DCLK2: variants seen among roughly 807,000 people sequenced by gnomAD.
DCLK2 encodes doublecortin like kinase 2.
A neutral mutation model predicts 78.4 loss-of-function variants in DCLK2; 31 were observed. The ratio of observed to expected loss-of-function variants is 0.40; its 90% CI spans 0.30 to 0.53. The LOEUF (loss-of-function observed/expected upper bound fraction) is 0.53. Among genes scored for constraint, DCLK2 ranks in the 20% least tolerant of loss-of-function variants. The pLI is 0.61. For synonymous variants in DCLK2, 407 were observed against 374.9 expected, an observed-to-expected ratio of 1.09 and a Z score of -0.99; for missense variants, 872 against 973.7, an observed-to-expected ratio of 0.90 and a Z score of 1.39.
intron 1 of DCLK2, among the ~76,000 whole-genome samples, chr4:150,082,079 T>A (rs923617539): frequency 2.0e-5 from 3 of 152,190 alleles, no homozygotes; most frequent in African/African-American, 7.2e-5. Flanking sequence ...GTAAGTAGTT[T>A]CAACTTTTAA....
intron 15 of DCLK2, among the ~76,000 whole-genome samples, chr4:150,252,390 T>C (rs1744239351): frequency 6.6e-6 from 1 of 152,214 alleles, no homozygotes; most frequent in African/African-American, 2.4e-5. Context: ...AGGAAGAACC[T>C]TTAACCGCCC....
chr4:150,175,011 A>AAAAAAAAATATATATATATAT (rs1454035697), intron 2 of DCLK2, among the ~76,000 whole-genome samples: 2 of 9,976 alleles, frequency 2.0e-4, no homozygotes, highest in African/African-American at 2.6e-4. Flanking sequence ...AAAAAAAAAA[A>AAAAAAAAATATATATATATAT]ATATATATAT....
At chr4:150,081,789 C>T (rs914754209) in intron 1 of DCLK2, among the ~76,000 whole-genome samples, 5 of 149,034 alleles carry the variant, frequency 3.4e-5, no homozygotes, top group African/African-American at 5.0e-5. Flanking sequence ...GTCAGGAGTT[C>T]GAGACCAGCC....
Position 150,219,428 on chromosome 4 carries a change from A to G in DCLK2, c.1057-1275A>G, listed in dbSNP as rs186378791. 1.9e-3 allele frequency among the ~76,000 whole-genome samples: 290 copies of G among 151,832 alleles called. 5 individuals are homozygous for G. The highest frequency in any genetic ancestry group is 5.2e-4 in the Non-Finnish European group (35 of 67,928). Reference sequence around the variant, plus strand: ...AGTCATGTGTCACCACGCCTGGGCGATTTTGTATTTTCAGTAGAGACGGGG... The same window carrying G: ...AGTCATGTGTCACCACGCCTGGGCGGTTTTGTATTTTCAGTAGAGACGGGG... On this transcript the variant is annotated intron_variant, in intron 5 of 15. Coordinates refer to ENST00000296550, the MANE Select transcript of DCLK2 (RefSeq NM_001040260.4).
At chr4:150,171,614 G>C (rs746826469) in intron 2 of DCLK2, among the ~76,000 whole-genome samples, 3 of 152,248 alleles carry the variant, frequency 2.0e-5, no homozygotes, top group Non-Finnish European at 2.9e-5. Flanking sequence ...TTGAGGGATT[G>C]TAGTGTTAAC....
intron 2 of DCLK2, among the ~76,000 whole-genome samples, chr4:150,174,590 G>A (rs942760068): frequency 2.0e-5 from 3 of 152,100 alleles, no homozygotes; most frequent in Non-Finnish European, 2.9e-5. Context: ...TTAGGAGGCC[G>A]AGGCAGGCGG....
chr4:150,107,164 G>A (rs2150160076), intron 2 of DCLK2, among the ~76,000 whole-genome samples: 1 of 152,306 alleles, frequency 6.6e-6, no homozygotes, highest in South Asian at 2.1e-4. Context: ...TAACAGTGCT[G>A]AGATTCAGAA....
chr4:150,208,704 T>C (rs891381350), intron 5 of DCLK2, among the ~76,000 whole-genome samples: 6 of 152,120 alleles, frequency 3.9e-5, no homozygotes, highest in African/African-American at 1.4e-4. Flanking sequence ...TGACAACTTT[T>C]CCTGAGAGGC....
At chr4:150,234,816 G>A (rs1339706855) in intron 10 of DCLK2, among the ~76,000 whole-genome samples, 2 of 151,848 alleles carry the variant, frequency 1.3e-5, no homozygotes, top group Non-Finnish European at 2.9e-5. Context: ...AATGGAGACA[G>A]AGTTGTAAAC....
chr4:150,255,008 T>G (rs1366396130), intron 15 of DCLK2, among the ~76,000 whole-genome samples: 1 of 152,196 alleles, frequency 6.6e-6, no homozygotes, highest in Non-Finnish European at 1.5e-5. Context: ...CTTGAACTTG[T>G]GAGGGCCTGT....
chr4:150,204,097 C>A (rs1292434702), intron 5 of DCLK2, among the ~76,000 whole-genome samples: 1 of 152,188 alleles, frequency 6.6e-6, no homozygotes, highest in Non-Finnish European at 1.5e-5. Context: ...TGTTTCTCTT[C>A]TCTAAAATGG....
At chr4:150,180,017 AG>A (rs1737389365) in intron 2 of DCLK2, among the ~76,000 whole-genome samples, 1 of 152,242 alleles carries the variant, frequency 6.6e-6, no homozygotes, top group Non-Finnish European at 1.5e-5. Flanking sequence ...AGTAAGATGT[AG>A]AAAAATGGTT....
chr4:150,103,953 AC>A (rs1731057543), intron 2 of DCLK2, among the ~76,000 whole-genome samples: 1 of 152,190 alleles, frequency 6.6e-6, no homozygotes, highest in Non-Finnish European at 1.5e-5. Flanking sequence ...ACAGTACAAC[AC>A]AAAACACCTT....
chr4:150,131,054 G>A (rs1225479697), intron 2 of DCLK2, among the ~76,000 whole-genome samples: 1 of 152,070 alleles, frequency 6.6e-6, no homozygotes, highest in Non-Finnish European at 1.5e-5. Context: ...ACAGCATCTT[G>A]CTTGGTTGCC....
At chr4:150,084,481 C>A (rs1157096794) in intron 1 of DCLK2, among the ~76,000 whole-genome samples, 3 of 152,210 alleles carry the variant, frequency 2.0e-5, no homozygotes, top group Non-Finnish European at 4.4e-5. Context: ...TGTCCCATCT[C>A]ATTTCCTTAA....
At chr4:150,162,104 C>T (rs1359158212) in intron 2 of DCLK2, among the ~76,000 whole-genome samples, 2 of 152,098 alleles carry the variant, frequency 1.3e-5, no homozygotes, top group Non-Finnish European at 2.9e-5. Context: ...AAACATGGCT[C>T]ACTGCAGCCT....
intron 2 of DCLK2, among the ~76,000 whole-genome samples, chr4:150,141,249 T>A (rs1315572010): frequency 1.3e-5 from 2 of 152,232 alleles, no homozygotes; most frequent in African/African-American, 4.8e-5. Flanking sequence ...AAATCGTGAC[T>A]CATTTTCAAA....
At chr4:150,203,144 T>A (rs1018845315) in intron 4 of DCLK2, among the ~76,000 whole-genome samples, 1 of 152,100 alleles carries the variant, frequency 6.6e-6, no homozygotes, top group African/African-American at 2.4e-5. Context: ...CTACCAAGAT[T>A]TGCTGACAAA....
At chr4:150,127,389 C>G (rs1196999210) in intron 2 of DCLK2, among the ~76,000 whole-genome samples, 5 of 152,102 alleles carry the variant, frequency 3.3e-5, no homozygotes, top group Non-Finnish European at 7.4e-5. Context: ...AAGAGCTATC[C>G]CTTCTCCCCT....
Sources: gnomAD v4.1 joint callset for allele counts (sites outside exome capture counted in the v4.1 genomes callset) on GRCh38, gnomAD v4.1.1 for gene constraint, MANE v1.5 for transcripts, NCBI Gene and HGNC (gene_info 2026-07-23, HGNC 2026-07-21) for gene names.